SORBS2: variants seen among roughly 807,000 people sequenced by gnomAD.
SORBS2 encodes the protein sorbin and SH3 domain-containing protein 2.
Under a neutral mutation model 97.7 loss-of-function variants are expected in SORBS2, and 46 were observed. The observed-to-expected ratio is 0.47, with a 90% CI of 0.37 to 0.60. The LOEUF (loss-of-function observed/expected upper bound fraction) is 0.60. SORBS2 is among the 20% of genes least tolerant of loss of function. SORBS2 has a pLI of 0.00. For synonymous variants in SORBS2, 476 were observed against 473.4 expected, an observed-to-expected ratio of 1.01 and a Z score of -0.07; for missense variants, 1,316 against 1,282.3, an observed-to-expected ratio of 1.03 and a Z score of -0.40.
intron 1 of SORBS2, among the ~76,000 whole-genome samples, chr4:185,932,002 C>CTCTCTA (rs1233098098): frequency 1.1e-4 from 16 of 148,664 alleles, no homozygotes; most frequent in African/African-American, 2.9e-4. Context: ...CTCTCTCTCT[C>CTCTCTA]TATATATATA....
chr4:185,728,509 G>T (rs571276813), intron 2 of SORBS2, among the ~76,000 whole-genome samples: 2 of 152,068 alleles, frequency 1.3e-5, no homozygotes, highest in Admixed American at 6.5e-5. Context: ...GTGTAAGCAT[G>T]GTGGTCGGTA....
At chr4:185,670,939 C>T (rs560151830) in intron 4 of SORBS2, among the ~76,000 whole-genome samples, 143 of 152,228 alleles carry the variant, frequency 9.4e-4, no homozygotes, top group African/African-American at 3.3e-3. Flanking sequence ...AGGTAGCTGT[C>T]GGGTACCCAA....
At chr4:185,809,311 A>T (rs1047996746) in intron 1 of SORBS2, among the ~76,000 whole-genome samples, 16 of 150,484 alleles carry the variant, frequency 1.1e-4, no homozygotes, top group Non-Finnish European at 1.5e-5. Context: ...GCAGACAGAA[A>T]GTCAGAAGTA....
chr4:185,657,524 C>G (rs753794088), upstream of SORBS2: 18 of 1,572,780 alleles, frequency 1.1e-5, no homozygotes, highest in Non-Finnish European at 1.5e-5. Flanking sequence ...CTCTGAGGAT[C>G]GGTACAGGGG....
At chr4:185,914,957 T>A (rs1300197059) in intron 1 of SORBS2, among the ~76,000 whole-genome samples, 1 of 152,194 alleles carries the variant, frequency 6.6e-6, no homozygotes, top group African/African-American at 2.4e-5. Context: ...TCTAATGGAT[T>A]TTTTCCATCT....
intron 9 of SORBS2, 43 bp from the exon 22 acceptor site, chr4:185,615,202 A>G: frequency 8.7e-7 from 1 of 1,150,548 alleles, no homozygotes; most frequent in Non-Finnish European, 1.3e-6. Context: ...GATGTACAGC[A>G]ATAATTCTCA....
intron 2 of SORBS2, among the ~76,000 whole-genome samples, chr4:185,695,817 G>C (rs574563670): frequency 3.2e-4 from 49 of 152,258 alleles, no homozygotes; most frequent in Non-Finnish European, 5.0e-4. Flanking sequence ...CTTTGAAATA[G>C]TCACATGAAA....
intron 1 of SORBS2, among the ~76,000 whole-genome samples, chr4:185,776,640 G>T (rs2099001015): frequency 6.6e-6 from 1 of 152,028 alleles, no homozygotes; most frequent in Non-Finnish European, 1.5e-5. Context: ...GGTGGCTCAG[G>T]CCCGTAATCC....
intron 1 of SORBS2, chr4:185,933,298 T>C (rs2099267353): frequency 6.6e-6 from 1 of 152,200 alleles, no homozygotes; most frequent in Non-Finnish European, 1.5e-5. Context: ...TGTAGAATCA[T>C]CGTGAACTGT....
chr4:185,894,484 A>G (rs137967469), intron 1 of SORBS2: 27 of 152,350 alleles, frequency 1.8e-4, no homozygotes, highest in Middle Eastern at 3.4e-3. Flanking sequence ...TTTTACAGAC[A>G]TAATCTCCAG....
rs146392766 is a variant in SORBS2, at chr4:185,754,052, T to C, written c.-198+21175A>G. ...AGCAAAGACATGGAATCAACATAAATGCTCATCAATGGTAGACTTGATAAA... is the reference window on the plus strand; with the variant it reads ...AGCAAAGACATGGAATCAACATAAACGCTCATCAATGGTAGACTTGATAAA... On this transcript the variant is annotated intron_variant, in intron 2 of 20. Transcript: ENST00000284776. Among the ~76,000 whole-genome samples, 231 of 152,274 alleles carry C rather than the reference T, an allele frequency of 1.5e-3. 8 individuals carry two copies. The East Asian group carries it at 0.028, about 19-fold the overall frequency.
At chr4:185,949,357 C>T (rs2099276073) in intron 1 of SORBS2, among the ~76,000 whole-genome samples, 1 of 152,150 alleles carries the variant, frequency 6.6e-6, no homozygotes, top group Non-Finnish European at 1.5e-5. Context: ...TTGTCAGTGT[C>T]TACTCCGAAA....
intron 13 of SORBS2, among the ~76,000 whole-genome samples, chr4:185,590,159 T>C (rs1318328728): frequency 6.6e-6 from 1 of 152,166 alleles, no homozygotes; most frequent in Non-Finnish European, 1.5e-5. Context: ...TAGTACAAAA[T>C]ATAAAATAAG....
chr4:185,897,679 G>T (rs1485907941), intron 1 of SORBS2, among the ~76,000 whole-genome samples: 1 of 152,128 alleles, frequency 6.6e-6, no homozygotes, highest in East Asian at 1.9e-4. Flanking sequence ...GCCTACAACA[G>T]GTATAGAAAG....
chr4:185,754,703 G>C (rs1584202193), intron 2 of SORBS2, among the ~76,000 whole-genome samples: 1 of 152,266 alleles, frequency 6.6e-6, no homozygotes, highest in African/African-American at 2.4e-5. Context: ...GTGTGGGGTG[G>C]GGGGCTGTGT....
chr4:185,717,063 T>C (rs929575913), intron 2 of SORBS2, among the ~76,000 whole-genome samples: 3 of 152,242 alleles, frequency 2.0e-5, no homozygotes, highest in African/African-American at 7.2e-5. Flanking sequence ...ACTTTAGTGC[T>C]CATTCTTCCT....
chr4:185,650,923 CCA>C (rs758284463), intron 2 of SORBS2, among the ~76,000 whole-genome samples: 2 of 152,004 alleles, frequency 1.3e-5, no homozygotes, highest in Non-Finnish European at 2.9e-5. Context: ...GAGCACAATC[CCA>C]AATAGTTAAA....
Position 185,731,832 on chromosome 4 carries a change from T to TCTCTC in SORBS2, c.-198+43394_-198+43395insGAGAG, listed in dbSNP as rs2098636104. On this transcript the variant is annotated intron_variant, in intron 2 of 20. Coordinates refer to the SORBS2 transcript ENST00000284776. ...CCTCCCTCCCTGCCTGTCTCTCTCT[T>TCTCTC]TCTCTCTCTCTCTCTCTCTCTCTCT... 6.0e-5 allele frequency among the ~76,000 whole-genome samples: 2 copies of TCTCTC among 33,288 alleles called. 1 individual carries two copies. The highest frequency in any genetic ancestry group is 3.1e-3 in the East Asian group (2 of 640). The allele number at this position is 33,288 out of a possible 152,430, so 21.8% of individuals were successfully genotyped here.
chr4:185,947,609 T>A (rs2099275133), intron 1 of SORBS2, among the ~76,000 whole-genome samples: 1 of 102,780 alleles, frequency 9.7e-6, no homozygotes, highest in African/African-American at 3.5e-5. Flanking sequence ...TCTTTTTTCT[T>A]GGGTTTTTTT....
Sources: gnomAD v4.1 joint callset for allele counts (sites outside exome capture counted in the v4.1 genomes callset) on GRCh38, gnomAD v4.1.1 for gene constraint, MANE v1.5 for transcripts, NCBI Gene and HGNC (gene_info 2026-07-23, HGNC 2026-07-21) for gene names.